XRN1: variants seen among roughly 807,000 people sequenced by gnomAD.
XRN1 encodes the protein strand-exchange protein 1 homolog.
XRN1 carries 67 observed loss-of-function variants against 222.3 expected under a neutral mutation model. The ratio of observed to expected loss-of-function variants is 0.30; its 90% CI spans 0.25 to 0.37. XRN1 has a LOEUF of 0.37. Ranked by LOEUF, XRN1 falls within the 10% of genes least tolerant of loss-of-function variation. The pLI is 1.00. For missense variants in XRN1, 1,707 were observed against 2,000.2 expected (o/e 0.85, Z 2.80); for synonymous variants, 643 against 652.4 (o/e 0.99, Z 0.22).
intron 37 of XRN1, among the ~76,000 whole-genome samples, chr3:142,322,890 C>T (rs1330121319): frequency 6.6e-6 from 1 of 152,042 alleles, no homozygotes; most frequent in Admixed American, 6.5e-5. Context: ...GTAATCCCAG[C>T]TACTCAGGAG....
intron 5 of XRN1, 45 bp from the exon 6 acceptor site, chr3:142,423,687 A>T (rs950120609): frequency 2.0e-6 from 3 of 1,467,804 alleles, no homozygotes; most frequent in Non-Finnish European, 2.8e-6. Context: ...CCCATTTTTA[A>T]TAATATTAGG....
Position 142,412,682 on chromosome 3 carries a change from G to C in XRN1, c.1594-19C>G, listed in dbSNP as rs1393990876. 1 of 1,492,978 alleles carries C rather than the reference G, an allele frequency of 6.7e-7. No individual in the cohort carries two copies. The highest frequency in any genetic ancestry group is 1.4e-5 in the African/African-American group (1 of 72,742). 92.5% of individuals were successfully genotyped at this position (1,492,978 alleles called of 1,614,324 possible). On this transcript the variant is annotated intron_variant, in intron 14 of 40. Transcript: ENST00000392981. Reference sequence around the variant, plus strand: ...TCAAATGCTGTGAAAATATGAAATAGTATAATAGAAATATAAGAACTAATA... The same window carrying C: ...TCAAATGCTGTGAAAATATGAAATACTATAATAGAAATATAAGAACTAATA...
chr3:142,412,471 TG>T, intron 15 of XRN1, 72 bp downstream of exon 15: 1 of 1,422,028 alleles, frequency 7.0e-7, no homozygotes, highest in Admixed American at 2.1e-5. Flanking sequence ...TAAAACCCAT[TG>T]CTCATTAACC....
In XRN1 at chr3:142,400,469, C is replaced by T. The variant is rs957639843; in HGVS notation, c.2182G>A (p.Val728Met). The T allele has an allele frequency of 1.4e-5, 22 of 1,612,032 alleles. No individual in the cohort carries two copies. Among genetic ancestry groups the T allele is most frequent in the South Asian group, 2.2e-5 (2 of 90,598 alleles). Residue 728 changes from valine (V) to methionine (M), a missense_variant, in exon 19 of 41, where the codon GTG becomes ATG. Physicochemically the swap from Val to Met is conservative, Grantham distance 21. Coordinates refer to ENST00000392981, the MANE Select transcript of XRN1 (RefSeq NM_001282857.2). ...NWPHLEEARV[V>M]AVSDGETKFY... ...TTAGTTTCTCCATCTGATACAGCCA[C>T]GACTCTAGCTTCCTCAAGGTGAGGC...
intron 39 of XRN1, chr3:142,313,188 A>C (rs2065123034): frequency 6.2e-7 from 1 of 1,612,008 alleles, no homozygotes; most frequent in African/African-American, 1.3e-5. Context: ...CAAAAAAACC[A>C]AAAAACCTCA....
chr3:142,397,464 A>G lies in XRN1; in HGVS notation c.2208-4T>C. 2 of 1,582,832 alleles carry G rather than the reference A, an allele frequency of 1.3e-6. No individual in the cohort carries two copies. Among genetic ancestry groups the G allele is most frequent in the Non-Finnish European group, 8.6e-7 (1 of 1,166,566 alleles). ...TGGAGGTTCTTCCAAGTAAAACCTT[A>G]AGAGTTAAAATAAAAATTATATAAC... On this transcript the variant is annotated splice_polypyrimidine_tract_variant and splice_region_variant and intron_variant, in intron 19 of 40. Coordinates refer to ENST00000392981, the MANE Select transcript of XRN1 (RefSeq NM_001282857.2).
intron 1 of XRN1, among the ~76,000 whole-genome samples, chr3:142,440,354 G>A (rs780023603): frequency 1.3e-5 from 2 of 151,982 alleles, no homozygotes; most frequent in Non-Finnish European, 2.9e-5. Flanking sequence ...CAAAAGTAGG[G>A]GTCATTATAC....
In XRN1 at chr3:142,308,395, A is replaced by C. The variant is rs1351552310; in HGVS notation, c.*3116T>G. The C allele has an allele frequency of 6.6e-6, 1 of 152,222 alleles. No individual in the cohort carries two copies. The highest frequency in any genetic ancestry group is 1.5e-5 in the Non-Finnish European group (1 of 68,038). 9.4% of individuals were successfully genotyped at this position (152,222 alleles called of 1,614,324 possible). On this transcript the variant is annotated 3_prime_UTR_variant, in exon 41 of 41. Transcript: ENST00000392981. The stretch of plus-strand genomic sequence containing the variant: ...TGATCATAGAAAGAAACAATAAAAA[A>C]ACTTGCATCAATAGTTCTTCATTCC...
At chr3:142,313,174 C>T (rs1577199514) in intron 39 of XRN1, 2 of 1,612,518 alleles carry the variant, frequency 1.2e-6, no homozygotes, top group African/African-American at 1.3e-5. Context: ...GTGATCCCAG[C>T]CTACAAAAAA....
intron 37 of XRN1, among the ~76,000 whole-genome samples, chr3:142,322,495 T>C (rs2065383506): frequency 6.6e-6 from 1 of 152,028 alleles, no homozygotes; most frequent in Non-Finnish European, 1.5e-5. Context: ...GAGACTAGCC[T>C]GGCCAACATG....
chr3:142,389,847 T>C (rs1052380167), intron 20 of XRN1, among the ~76,000 whole-genome samples: 4 of 152,198 alleles, frequency 2.6e-5, no homozygotes, highest in African/African-American at 9.6e-5. Flanking sequence ...CTACTAAAAC[T>C]TGAAAGTTCA....
At position 142,393,829 on chromosome 3, in the gene XRN1, A is replaced by G. The variant is rs549821750; in HGVS notation, c.2339+3500T>C. Among the ~76,000 whole-genome samples, 758 of 149,970 alleles carry G rather than the reference A, an allele frequency of 5.1e-3. 2 individuals carry two copies. The highest frequency in any genetic ancestry group is 8.6e-3 in the Non-Finnish European group (584 of 67,574). On this transcript the variant is annotated intron_variant, in intron 20 of 40. Transcript: ENST00000392981. ...ACCACTAAACTTTCTATCTTCTCCC[A>G]GACCTTTTTTTTTTTTTGAGACAGT... is the stretch of plus-strand genomic sequence containing the variant.
In XRN1 at chr3:142,412,519, T is replaced by C. The variant is rs760781530; in HGVS notation, c.1713+25A>G. Reference sequence around the variant, plus strand: ...GTCTCTGATTAAGAATGTATGTGTATGTAATGATTATTTCATGCACTGACC... The same window carrying C: ...GTCTCTGATTAAGAATGTATGTGTACGTAATGATTATTTCATGCACTGACC... On this transcript the variant is annotated intron_variant, in intron 15 of 40. Coordinates refer to ENST00000392981, the MANE Select transcript of XRN1 (RefSeq NM_001282857.2). The C allele has an allele frequency of 1.3e-5, 20 of 1,563,098 alleles. No homozygotes were observed. The South Asian group carries it at 2.3e-4, about 18-fold the overall frequency.
chr3:142,409,538 T>C (rs1315344669), intron 15 of XRN1, among the ~76,000 whole-genome samples: 1 of 152,212 alleles, frequency 6.6e-6, no homozygotes, highest in Admixed American at 6.5e-5. Flanking sequence ...CTTATGGCTA[T>C]ACCAATAACA....
intron 32 of XRN1, among the ~76,000 whole-genome samples, chr3:142,354,916 C>T (rs1010285300): frequency 6.6e-6 from 1 of 152,128 alleles, no homozygotes; most frequent in Non-Finnish European, 1.5e-5. Flanking sequence ...AAATAACATC[C>T]TTTGCAGCAA....
rs890633065 is a variant in XRN1, at chr3:142,347,401, C to T, written c.3769-59G>A. 11 of 1,044,648 alleles carry T rather than the reference C, an allele frequency of 1.1e-5. No individual in the cohort carries two copies. The African/African-American group carries it at 1.8e-4, about 17-fold the overall frequency. 64.7% of individuals were successfully genotyped at this position (1,044,648 alleles called of 1,614,324 possible). On this transcript the variant is annotated intron_variant, in intron 32 of 40. Transcript: ENST00000392981. ...TCTTAATATTATAACTACTTCTTATCTTCAACTTTTAATAAATACATTTTT... is the reference window on the plus strand; with the variant it reads ...TCTTAATATTATAACTACTTCTTATTTTCAACTTTTAATAAATACATTTTT...
intron 1 of XRN1, among the ~76,000 whole-genome samples, chr3:142,434,008 T>C (rs2069748551): frequency 1.3e-5 from 2 of 152,228 alleles, no homozygotes; most frequent in South Asian, 4.1e-4. Context: ...TGGAATGTTC[T>C]TACTGACAGG....
chr3:142,388,236 T>G (rs771340367), intron 20 of XRN1, among the ~76,000 whole-genome samples: 3 of 151,776 alleles, frequency 2.0e-5, no homozygotes, highest in Non-Finnish European at 4.4e-5. Flanking sequence ...AGATGAAAAC[T>G]GTTATGATCA....
At chr3:142,392,578 G>C (rs537955247) in intron 20 of XRN1, among the ~76,000 whole-genome samples, 253 of 151,600 alleles carry the variant, frequency 1.7e-3, no homozygotes, top group African/African-American at 6.0e-3. Flanking sequence ...TGCGGTGTTT[G>C]GTTTTTTGTT....
Sources: allele counts gnomAD v4.1 joint callset (sites outside exome capture counted in the v4.1 genomes callset), GRCh38; gene constraint gnomAD v4.1.1; transcripts MANE v1.5; gene names NCBI Gene and HGNC (gene_info 2026-07-23, HGNC 2026-07-21).